Variants in MRTFB observed in about 807,000 individuals in gnomAD.
MRTFB encodes the protein myocardin related transcription factor B, also known as myocardin-related transcription factor B.
In MRTFB, 29 loss-of-function variants were observed where a neutral mutation model predicts 104.2. The ratio of observed to expected loss-of-function variants is 0.28; its 90% CI spans 0.21 to 0.38. MRTFB has a LOEUF of 0.38. MRTFB is among the 10% of genes least tolerant of loss of function. The probability of loss-of-function intolerance (pLI) is 1.00; values close to 1 mark genes in which losing one functional copy is unlikely to be tolerated. For missense variants in MRTFB, 1,270 were observed against 1,341.6 expected (o/e 0.95, Z 0.83); for synonymous variants, 535 against 519.5 (o/e 1.03, Z -0.41).
At chr16:14,181,194 A>T (rs1020290258) in intron 3 of MRTFB, among the ~76,000 whole-genome samples, 1 of 152,208 alleles carries the variant, frequency 6.6e-6, no homozygotes, top group Non-Finnish European at 1.5e-5. Context: ...CTTTGTTTAA[A>T]TAAAAAAAAA....
intron 3 of MRTFB, among the ~76,000 whole-genome samples, chr16:14,144,990 A>ATATG (rs1415735253): frequency 0.011 from 1,211 of 105,600 alleles, 18 homozygotes; most frequent in African/African-American, 0.084. Context: ...ACATATATAT[A>ATATG]TATATGTATA....
chr16:14,010,787 T>C, the MRTFB span, among the ~76,000 whole-genome samples: 6 of 152,252 alleles, frequency 3.9e-5, no homozygotes, highest in South Asian at 2.1e-4. Context: ...CATGTGGCCA[T>C]TCAAGTGTAA....
the MRTFB span, among the ~76,000 whole-genome samples, chr16:14,011,769 G>A: frequency 6.4e-3 from 978 of 152,300 alleles, 10 homozygotes; most frequent in African/African-American, 0.022. Context: ...CTACTGGGGA[G>A]GCTGAAGCAG....
intron 8 of MRTFB, among the ~76,000 whole-genome samples, chr16:14,226,451 A>G (rs2042005008): frequency 6.6e-6 from 1 of 152,212 alleles, no homozygotes; most frequent in Non-Finnish European, 1.5e-5. Flanking sequence ...CTCGTCAACA[A>G]ATGGTACTGG....
chr16:14,235,716 AT>A (rs1234807642), intron 9 of MRTFB, among the ~76,000 whole-genome samples: 12 of 152,186 alleles, frequency 7.9e-5, no homozygotes, highest in African/African-American at 2.9e-4. Context: ...AGCAGATTCC[AT>A]CTGAGGAACA....
intron 3 of MRTFB, among the ~76,000 whole-genome samples, chr16:14,206,243 C>A (rs1434306542): frequency 2.0e-5 from 3 of 152,180 alleles, no homozygotes; most frequent in East Asian, 3.9e-4. Flanking sequence ...GGTCCCTTAC[C>A]CCTTCCTCAG....
chr16:14,125,685 G>A (rs1357076705), intron 2 of MRTFB, among the ~76,000 whole-genome samples: 2 of 152,176 alleles, frequency 1.3e-5, no homozygotes, highest in Non-Finnish European at 2.9e-5. Flanking sequence ...ATTGTTGGTA[G>A]TAGTTGCTTT....
At chr16:14,243,861 T>G (rs917012235) in intron 10 of MRTFB, among the ~76,000 whole-genome samples, 1 of 140,560 alleles carries the variant, frequency 7.1e-6, no homozygotes, top group Non-Finnish European at 1.5e-5. Context: ...TTGCCTGTTT[T>G]GGGTTTTTTT....
At chr16:14,080,442 A>G (rs374845258) in intron 2 of MRTFB, among the ~76,000 whole-genome samples, 40 of 152,328 alleles carry the variant, frequency 2.6e-4, no homozygotes, top group African/African-American at 8.2e-4. Flanking sequence ...GTTTCAATCT[A>G]GCTAATTATG....
intron 2 of MRTFB, among the ~76,000 whole-genome samples, chr16:14,113,150 T>C (rs1676461586): frequency 6.6e-6 from 1 of 152,178 alleles, no homozygotes; most frequent in African/African-American, 2.4e-5. Flanking sequence ...TTCAAGCCAT[T>C]CTCTCACCTC....
chr16:14,067,986 C>T (rs2033540267), upstream of MRTFB, among the ~76,000 whole-genome samples: 1 of 152,072 alleles, frequency 6.6e-6, no homozygotes, highest in Non-Finnish European at 1.5e-5. Context: ...CGCCCGCCAC[C>T]ATGCCTGGGT....
intron 3 of MRTFB, among the ~76,000 whole-genome samples, chr16:14,201,559 T>C (rs1479867858): frequency 6.6e-6 from 1 of 152,218 alleles, no homozygotes; most frequent in African/African-American, 2.4e-5. Flanking sequence ...TATAAAATTT[T>C]ATTTTTATTT....
At chr16:14,215,728 G>A (rs1308859492) in intron 6 of MRTFB, among the ~76,000 whole-genome samples, 2 of 152,132 alleles carry the variant, frequency 1.3e-5, no homozygotes, top group African/African-American at 4.8e-5. Context: ...TGGTTGTATG[G>A]GAAAATGATA....
chr16:14,203,869 T>C (rs1250251222), intron 3 of MRTFB, among the ~76,000 whole-genome samples: 3 of 138,284 alleles, frequency 2.2e-5, no homozygotes, highest in African/African-American at 8.1e-5. Flanking sequence ...AGGAAAGACA[T>C]ATCTTGGTTC....
the MRTFB span, among the ~76,000 whole-genome samples, chr16:14,032,346 G>T: frequency 6.6e-6 from 1 of 152,158 alleles, no homozygotes; most frequent in African/African-American, 2.4e-5. Context: ...AGAGCGTCTG[G>T]GTTGGTTAAC....
At chr16:14,182,237 C>T (rs1454251928) in intron 3 of MRTFB, among the ~76,000 whole-genome samples, 1 of 152,088 alleles carries the variant, frequency 6.6e-6, no homozygotes, top group Non-Finnish European at 1.5e-5. Context: ...GGCAGCTGCC[C>T]CGTGGGAGAG....
At chr16:14,130,712 G>C (rs2037394341) in intron 2 of MRTFB, among the ~76,000 whole-genome samples, 1 of 152,112 alleles carries the variant, frequency 6.6e-6, no homozygotes, top group Non-Finnish European at 1.5e-5. Flanking sequence ...TCATTCTCAT[G>C]CTGCTAATAA....
At chr16:14,256,604 C>G (rs914621067) in intron 15 of MRTFB, among the ~76,000 whole-genome samples, 1 of 152,214 alleles carries the variant, frequency 6.6e-6, no homozygotes, top group African/African-American at 2.4e-5. Context: ...ACTGAGGCCT[C>G]CCATCAATGG....
At chr16:14,103,770 C>G (rs2035825125) in intron 2 of MRTFB, among the ~76,000 whole-genome samples, 1 of 152,122 alleles carries the variant, frequency 6.6e-6, no homozygotes, top group African/African-American at 2.4e-5. Flanking sequence ...GTCAGTCCAG[C>G]CAAGGATTGG....
Sources: allele counts gnomAD v4.1 joint callset (sites outside exome capture counted in the v4.1 genomes callset), GRCh38; gene constraint gnomAD v4.1.1; transcripts MANE v1.5; gene names NCBI Gene and HGNC (gene_info 2026-07-23, HGNC 2026-07-21).